The following SLC6A13 variants were observed in gnomAD, a reference collection of about 807,000 sequenced individuals.
The protein encoded by SLC6A13 is sodium- and chloride-dependent GABA transporter 2.
SLC6A13 carries 69 observed loss-of-function variants against 72.9 expected under a neutral mutation model. That is an observed-to-expected ratio of 0.95 (90% confidence interval 0.78 to 1.16). The LOEUF (loss-of-function observed/expected upper bound fraction) is 1.16, where lower values mean the gene tolerates loss of function less well. SLC6A13 is among the 50% of genes most tolerant of loss of function. The pLI is 0.00. For synonymous variants in SLC6A13, 303 were observed against 303.0 expected (o/e 1.00, Z 0.00); for missense variants, 735 against 760.5 (o/e 0.97, Z 0.39).
chr12:250,850 A>AAAAAAAG (rs1170450846), intron 2 of SLC6A13, among the ~76,000 whole-genome samples: 3 of 150,814 alleles, frequency 2.0e-5, no homozygotes, highest in Non-Finnish European at 3.0e-5. Context: ...AAAAAAAAAA[A>AAAAAAAG]AACCTAAAAA....
chr12:230,259 G>A (rs1337234020), intron 7 of SLC6A13, among the ~76,000 whole-genome samples: 2 of 152,212 alleles, frequency 1.3e-5, no homozygotes, highest in African/African-American at 4.8e-5. Flanking sequence ...GCAGGTAAAA[G>A]AGGTCTTGGG....
At chr12:222,982 C>A in intron 12 of SLC6A13, 150 bp downstream of exon 12, 1 of 606,124 alleles carries the variant, frequency 1.6e-6, no homozygotes, top group Non-Finnish European at 3.0e-6. Context: ...CCAAAGGTAG[C>A]AATTTAGGAT....
chr12:238,400 G>A, intron 4 of SLC6A13: 1 of 1,223,540 alleles, frequency 8.2e-7, no homozygotes, highest in Non-Finnish European at 1.1e-6. Context: ...GCGCAGGTTG[G>A]AAAGCTCTGG....
intron 10 of SLC6A13, 23 bp downstream of exon 10, chr12:224,378 T>G: frequency 6.3e-7 from 1 of 1,578,222 alleles, no homozygotes; most frequent in Non-Finnish European, 8.7e-7. Flanking sequence ...TCTCTCAGCC[T>G]CTGAGTGGCT....
chr12:223,967 C>A, intron 11 of SLC6A13, 25 bp downstream of exon 11: 2 of 1,603,820 alleles, frequency 1.2e-6, no homozygotes, highest in Non-Finnish European at 1.7e-6. Context: ...CCTCCCCAGC[C>A]TTCCCCCGCT....
In SLC6A13 at chr12:254,047, G is replaced by A. The variant is rs771353296; in HGVS notation, c.202+5804C>T. Among the ~76,000 whole-genome samples, 4 of 152,278 alleles carry A rather than the reference G, an allele frequency of 2.6e-5. No individual in the cohort carries two copies. The highest frequency in any genetic ancestry group is 6.5e-5 in the Admixed American group (1 of 15,304). ...TCCCGCTACCTTCTTCCCACATCAC[G>A]CCTCCTGCGTTATCCAGCATCTCCT... On this transcript the variant is annotated intron_variant, in intron 2 of 14. Transcript: ENST00000343164. This position sits in a 1 kb window ranked among gnomAD's most constrained non-coding sequence, Gnocchi z 4.4.
chr12:243,537 G>A (rs1443761889), intron 3 of SLC6A13, 142 bp downstream of exon 3: 2 of 767,132 alleles, frequency 2.6e-6, no homozygotes, highest in East Asian at 2.7e-5. Flanking sequence ...AGCTCAGTAT[G>A]CAGCCCACAA....
At chr12:238,269 G>GTC in intron 4 of SLC6A13, 3 of 1,465,360 alleles carry the variant, frequency 2.0e-6, no homozygotes, top group Non-Finnish European at 2.7e-6. Flanking sequence ...ATGGCAACAG[G>GTC]AAAGGTGCTC....
chr12:225,664 A>G (rs1158211522), intron 9 of SLC6A13, among the ~76,000 whole-genome samples: 6 of 152,080 alleles, frequency 3.9e-5, no homozygotes, highest in Admixed American at 3.9e-4. Context: ...AGTTTAAAAA[A>G]AAAAAAAAAA....
At chr12:257,273 T>G (rs576173605) in intron 2 of SLC6A13, 1 of 152,038 alleles carries the variant, frequency 6.6e-6, no homozygotes, top group Non-Finnish European at 1.5e-5. Context: ...CCGCTTACCT[T>G]GGCAAAGGAG....
intron 9 of SLC6A13, among the ~76,000 whole-genome samples, chr12:226,100 A>G (rs1314056040): frequency 2.6e-5 from 4 of 152,230 alleles, no homozygotes; most frequent in Non-Finnish European, 5.9e-5. Context: ...TTTTTCTCAT[A>G]TATGTCTAAA....
intron 2 of SLC6A13, among the ~76,000 whole-genome samples, chr12:251,017 A>G (rs775730112): frequency 1.3e-4 from 19 of 151,806 alleles, no homozygotes; most frequent in East Asian, 9.7e-4. Context: ...TTAGCCGGGC[A>G]TGGTGGTGGG....
intron 2 of SLC6A13, among the ~76,000 whole-genome samples, chr12:247,181 T>TG (rs1942385479): frequency 1.3e-5 from 2 of 151,380 alleles, no homozygotes; most frequent in Non-Finnish European, 2.9e-5. Flanking sequence ...GCTGAAAATT[T>TG]TACAAATTTT....
intron 13 of SLC6A13, 35 bp from the exon 14 acceptor site, chr12:221,581 G>T (rs766358366): frequency 1.4e-6 from 2 of 1,432,468 alleles, no homozygotes; most frequent in Non-Finnish European, 9.5e-7. Context: ...GGGGTTGGGG[G>T]GCGGGGGCCT....
At chr12:246,421 A>C (rs1424594173) in intron 2 of SLC6A13, among the ~76,000 whole-genome samples, 1 of 152,230 alleles carries the variant, frequency 6.6e-6, no homozygotes, top group Non-Finnish European at 1.5e-5. Flanking sequence ...AAGAATCAGG[A>C]AAATGTTACT....
intron 2 of SLC6A13, among the ~76,000 whole-genome samples, chr12:245,500 T>C (rs1311039707): frequency 2.6e-5 from 4 of 151,918 alleles, no homozygotes; most frequent in Non-Finnish European, 2.9e-5. Flanking sequence ...GCCAATATAG[T>C]GAAATCCTGT....
chr12:223,797 G>A (rs1364902701), intron 11 of SLC6A13, 195 bp downstream of exon 11: 2 of 596,196 alleles, frequency 3.4e-6, no homozygotes, highest in East Asian at 2.8e-5. Flanking sequence ...CTGGAGGTGG[G>A]TGGTCCATGC....
chr12:224,250 C>T, intron 10 of SLC6A13, 121 bp from the exon 11 acceptor site: 1 of 1,437,368 alleles, frequency 7.0e-7, no homozygotes, highest in South Asian at 1.2e-5. Flanking sequence ...GTCCCCTGAG[C>T]TATTGTCCTT....
intron 2 of SLC6A13, among the ~76,000 whole-genome samples, chr12:257,613 A>G (rs923402770): frequency 1.3e-5 from 2 of 152,100 alleles, no homozygotes; most frequent in Non-Finnish European, 2.9e-5. Context: ...CCACCTCCCC[A>G]CACAGGACCC....
Sources: gnomAD v4.1 joint callset for allele counts (sites outside exome capture counted in the v4.1 genomes callset) on GRCh38, gnomAD v4.1.1 for gene constraint, Gnocchi (gnomAD v3.1) non-coding constraint, MANE v1.5 for transcripts, NCBI Gene and HGNC (gene_info 2026-07-23, HGNC 2026-07-21) for gene names.